AFG1L: variants seen among roughly 807,000 people sequenced by gnomAD.
AFG1L encodes AFG1-like ATPase.
Under a neutral mutation model 62.2 loss-of-function variants are expected in AFG1L, and 53 were observed. That is an observed-to-expected ratio of 0.85 (90% CI 0.68 to 1.07). The LOEUF is 1.07. Ranked by LOEUF, AFG1L falls within the 50% of genes least tolerant of loss-of-function variation. The pLI, the probability that AFG1L is intolerant of heterozygous loss-of-function variation, is 0.00. For missense variants in AFG1L, 555 were observed against 590.5 expected, an observed-to-expected ratio of 0.94 and a Z score of 0.62; for synonymous variants, 228 against 210.3, an observed-to-expected ratio of 1.08 and a Z score of -0.73.
chr6:108,520,356 C>T (rs1277431917), intron 12 of AFG1L: 1 of 152,506 alleles, frequency 6.6e-6, no homozygotes, highest in Non-Finnish European at 1.5e-5. Flanking sequence ...CTGTGGGTGC[C>T]AGGCTCTGAG....
At chr6:108,334,083 C>T (rs542291971) in intron 2 of AFG1L, among the ~76,000 whole-genome samples, 1 of 152,248 alleles carries the variant, frequency 6.6e-6, no homozygotes, top group Non-Finnish European at 1.5e-5. Flanking sequence ...TCTCGGCTCA[C>T]TGTAACCTCT....
intron 1 of AFG1L, among the ~76,000 whole-genome samples, chr6:108,303,095 T>C (rs1777072617): frequency 2.0e-5 from 3 of 151,762 alleles, no homozygotes; most frequent in Admixed American, 6.6e-5. Context: ...GTATTTTTAG[T>C]AGAGATGGGT....
intron 1 of AFG1L, among the ~76,000 whole-genome samples, chr6:108,297,245 T>G (rs1172890757): frequency 1.3e-5 from 2 of 152,086 alleles, no homozygotes; most frequent in Non-Finnish European, 2.9e-5. Context: ...GTAGCTGAGA[T>G]CACAGGCACC....
chr6:108,488,980 C>T (rs1311078337), intron 10 of AFG1L, among the ~76,000 whole-genome samples: 1 of 152,294 alleles, frequency 6.6e-6, no homozygotes, highest in African/African-American at 2.4e-5. Flanking sequence ...CTATTGATCA[C>T]CTCTGCAAAC....
intron 6 of AFG1L, among the ~76,000 whole-genome samples, chr6:108,400,269 G>A (rs908566478): frequency 3.9e-5 from 6 of 152,086 alleles, no homozygotes; most frequent in African/African-American, 1.4e-4. Context: ...TCATGTTCCA[G>A]ATCTAAGAGA....
At chr6:108,366,054 A>G (rs1779743614) in intron 5 of AFG1L, among the ~76,000 whole-genome samples, 179 bp from the exon 6 acceptor site, 1 of 152,128 alleles carries the variant, frequency 6.6e-6, no homozygotes, top group Admixed American at 6.6e-5. Flanking sequence ...AGAAGAGTCA[A>G]GTTTAAAAGA....
chr6:108,379,968 G>A (rs979776015), intron 6 of AFG1L, among the ~76,000 whole-genome samples: 1 of 151,676 alleles, frequency 6.6e-6, no homozygotes, highest in Non-Finnish European at 1.5e-5. Context: ...TCAAGCTGCC[G>A]ATCCAGGTGA....
chr6:108,389,353 A>G (rs1780939658), intron 6 of AFG1L, among the ~76,000 whole-genome samples: 1 of 152,108 alleles, frequency 6.6e-6, no homozygotes, highest in Non-Finnish European at 1.5e-5. Context: ...TGTGTCTTTT[A>G]ATTGGAGCAT....
intron 10 of AFG1L, among the ~76,000 whole-genome samples, chr6:108,506,070 A>T: frequency 6.6e-6 from 1 of 152,150 alleles, no homozygotes; most frequent in African/African-American, 2.4e-5. Flanking sequence ...TGACTGGTTT[A>T]CTTTAAAGTA....
At position 108,524,547 on chromosome 6, in the gene AFG1L, A is replaced by G. The variant is rs1011043788; in HGVS notation, c.*2122A>G. 1 of 152,204 alleles carries G rather than the reference A, an allele frequency of 6.6e-6. No homozygotes were observed. Among genetic ancestry groups the G allele is most frequent in the South Asian group, 2.1e-4 (1 of 4,828 alleles). 9.4% of individuals were successfully genotyped at this position (152,204 alleles called of 1,614,324 possible). ...CTCAGTGTAGCTTCCCTATAATGTCATTTTGGTACGAAAGAACTTAAACCC... is the reference window on the plus strand; with the variant it reads ...CTCAGTGTAGCTTCCCTATAATGTCGTTTTGGTACGAAAGAACTTAAACCC... On this transcript the variant is annotated 3_prime_UTR_variant, in exon 13 of 13. Transcript: ENST00000368977.
intron 7 of AFG1L, among the ~76,000 whole-genome samples, chr6:108,423,807 G>A (rs557383496): frequency 6.6e-5 from 10 of 152,132 alleles, no homozygotes; most frequent in African/African-American, 1.9e-4. Context: ...ACTACTGATA[G>A]TTTGGTTTTT....
chr6:108,449,916 A>T (rs977267575), intron 8 of AFG1L, among the ~76,000 whole-genome samples: 1 of 152,112 alleles, frequency 6.6e-6, no homozygotes, highest in Non-Finnish European at 1.5e-5. Flanking sequence ...CCATGTCCCT[A>T]CAAAGGACAT....
intron 3 of AFG1L, among the ~76,000 whole-genome samples, chr6:108,354,631 G>A (rs1779198582): frequency 6.6e-6 from 1 of 151,986 alleles, no homozygotes; most frequent in Non-Finnish European, 1.5e-5. Flanking sequence ...AACAGAGAAG[G>A]CCACTAAGTG....
At chr6:108,495,487 TG>T (rs1219109759) in intron 10 of AFG1L, among the ~76,000 whole-genome samples, 2 of 152,206 alleles carry the variant, frequency 1.3e-5, no homozygotes, top group Non-Finnish European at 2.9e-5. Flanking sequence ...TTGGGTATAC[TG>T]AAGTGGATCA....
At chr6:108,407,341 T>C (rs1781902326) in intron 7 of AFG1L, among the ~76,000 whole-genome samples, 1 of 152,122 alleles carries the variant, frequency 6.6e-6, no homozygotes, top group Non-Finnish European at 1.5e-5. Context: ...TATATTTCCA[T>C]CGGCATTTCT....
intron 10 of AFG1L, among the ~76,000 whole-genome samples, chr6:108,509,848 T>G (rs1162857093): frequency 6.6e-6 from 1 of 152,238 alleles, no homozygotes; most frequent in Non-Finnish European, 1.5e-5. Flanking sequence ...AGGACTCTCA[T>G]GCTCTGAGGG....
chr6:108,520,548 C>A (rs954957474), intron 12 of AFG1L: 5 of 142,168 alleles, frequency 3.5e-5, no homozygotes, highest in African/African-American at 1.6e-4. Context: ...TATCAACACT[C>A]ACCCCATGAG....
chr6:108,381,589 A>T (rs906812173), intron 6 of AFG1L, among the ~76,000 whole-genome samples: 6 of 152,212 alleles, frequency 3.9e-5, no homozygotes, highest in Non-Finnish European at 7.3e-5. Context: ...GAAAAAAAAA[A>T]ATTATAGTGT....
chr6:108,456,555 T>C (rs1772259031), intron 8 of AFG1L, among the ~76,000 whole-genome samples: 1 of 152,082 alleles, frequency 6.6e-6, no homozygotes, highest in Non-Finnish European at 1.5e-5. Context: ...TGTTAGTATA[T>C]TTAGAGTTGT....
Sources: gnomAD v4.1 joint callset for allele counts (sites outside exome capture counted in the v4.1 genomes callset) on GRCh38, gnomAD v4.1.1 for gene constraint, MANE v1.5 for transcripts, NCBI Gene and HGNC (gene_info 2026-07-23, HGNC 2026-07-21) for gene names.